The following NCOR2 variants were observed in gnomAD, a reference collection of about 807,000 sequenced individuals.
NCOR2 encodes the protein CTG repeat protein 26.
In NCOR2, 81 loss-of-function variants were observed where a neutral mutation model predicts 262.9. The ratio of observed to expected loss-of-function variants is 0.31; its 90% CI spans 0.26 to 0.37. The LOEUF is 0.37. NCOR2 is among the 10% of genes least tolerant of loss of function. The pLI, the probability that NCOR2 is intolerant of heterozygous loss-of-function variation, is 1.00. For synonymous variants in NCOR2, 1,659 were observed against 1,559.3 expected (o/e 1.06, Z -1.51); for missense variants, 3,385 against 3,621.4 (o/e 0.93, Z 1.68).
intron 20 of NCOR2, among the ~76,000 whole-genome samples, chr12:124,370,885 GCACCTGTGATCCAAGGTGAT>G (rs1321954914): frequency 6.6e-6 from 1 of 152,158 alleles, no homozygotes; most frequent in African/African-American, 2.4e-5. Context: ...GGGAACCTCT[GCACCTGTGATCCAAGGTGAT>G]CACCTGTGAT....
In NCOR2 at chr12:124,378,544, G is replaced by A. The variant is rs115165540; in HGVS notation, c.2020-160C>T. ...TCACACCCCACCTCGGCAGCCAAGC[G>A]TGCCAGGGTTTATTTTTACCGGGGG... On this transcript the variant is annotated intron_variant, in intron 17 of 46. Coordinates refer to ENST00000405201, the Ensembl canonical transcript of NCOR2. This position sits in a 1 kb window ranked among gnomAD's most constrained non-coding sequence, Gnocchi z 4.2. Among the ~76,000 whole-genome samples, 1,010 of 152,248 alleles carry A rather than the reference G, an allele frequency of 6.6e-3. 9 individuals carry two copies. The highest frequency in any genetic ancestry group is 0.02 in the African/African-American group (811 of 41,546).
chr12:124,519,883 G>C (rs568549281), intron 1 of NCOR2, among the ~76,000 whole-genome samples: 2 of 152,322 alleles, frequency 1.3e-5, no homozygotes, highest in South Asian at 4.1e-4. Flanking sequence ...AGAGAGGGTA[G>C]GTGACTTGCC....
intron 5 of NCOR2, among the ~76,000 whole-genome samples, chr12:124,459,252 A>G (rs972480677): frequency 1.3e-5 from 2 of 152,126 alleles, no homozygotes; most frequent in African/African-American, 4.8e-5. Context: ...CCAAGCCACT[A>G]GAAACTACAC....
chr12:124,464,336 A>G (rs2046323484), intron 5 of NCOR2, among the ~76,000 whole-genome samples: 1 of 152,032 alleles, frequency 6.6e-6, no homozygotes, highest in South Asian at 2.1e-4. Flanking sequence ...GCTGGAGAGA[A>G]CCGTGTCTGC....
At chr12:124,355,387 A>T in intron 24 of NCOR2, 45 bp downstream of exon 26, 1 of 1,602,402 alleles carries the variant, frequency 6.2e-7, no homozygotes, top group Non-Finnish European at 8.5e-7. Context: ...CCCACTTTAC[A>T]GATAAGAAGA....
At chr12:124,494,719 C>T (rs916855097) in intron 1 of NCOR2, among the ~76,000 whole-genome samples, 52 of 152,306 alleles carry the variant, frequency 3.4e-4, no homozygotes, top group Admixed American at 2.8e-3. Context: ...ACACACGGAA[C>T]GGGAGGACAG....
chr12:124,390,300 C>T lies in NCOR2; in HGVS notation c.1877-4413G>A, dbSNP rs545944398. Among the ~76,000 whole-genome samples the T allele has an allele frequency of 1.3e-4, 20 of 152,324 alleles. 2 individuals carry two copies. The South Asian group carries it at 4.1e-3, about 32-fold the overall frequency. ...CACGGCCCAGGTGACCCTTAGGAGC[C>T]AGCTCCATGAACCCGCCCAGCCTCT... On this transcript the variant is annotated intron_variant, in intron 16 of 46. Coordinates refer to ENST00000405201, the Ensembl canonical transcript of NCOR2.
intron 1 of NCOR2, among the ~76,000 whole-genome samples, chr12:124,529,179 CAAAAAAAAAAAAA>C (rs148397454): frequency 1.9e-5 from 1 of 52,182 alleles, no homozygotes; most frequent in African/African-American, 8.0e-5. Flanking sequence ...AACTCCGACT[CAAAAAAAAAAAAA>C]AAAAAAAAAA....
chr12:124,387,549 C>T (rs1363423998), intron 16 of NCOR2, among the ~76,000 whole-genome samples: 1 of 152,202 alleles, frequency 6.6e-6, no homozygotes, highest in African/African-American at 2.4e-5. Context: ...TCCTCTGGCC[C>T]CCGTGGCGTG....
intron 20 of NCOR2, among the ~76,000 whole-genome samples, chr12:124,369,061 T>C (rs1167665594): frequency 1.3e-5 from 2 of 152,222 alleles, no homozygotes; most frequent in South Asian, 2.1e-4. Context: ...GAGCGCCCAC[T>C]GTGGCCCGTC....
chr12:124,442,504 T>G (rs2044870565), intron 7 of NCOR2, among the ~76,000 whole-genome samples: 1 of 152,244 alleles, frequency 6.6e-6, no homozygotes. Context: ...CCAGGTGACG[T>G]GTGTGGGGGA....
exon 39 of NCOR2, chr12:124,335,530 T>G (rs1255914812): frequency 6.2e-7 from 1 of 1,609,094 alleles, no homozygotes; most frequent in Admixed American, 1.7e-5. Context: ...CTTGTCGAGC[T>G]CTTCCAGGTG....
intron 7 of NCOR2, among the ~76,000 whole-genome samples, chr12:124,447,671 G>A (rs536992667): frequency 6.6e-5 from 10 of 151,188 alleles, no homozygotes; most frequent in African/African-American, 2.2e-4. Context: ...TAGATTCGCT[G>A]GTATTTTCTT....
At chr12:124,521,613 G>A (rs1482283050) in intron 1 of NCOR2, among the ~76,000 whole-genome samples, 4 of 152,166 alleles carry the variant, frequency 2.6e-5, no homozygotes, top group African/African-American at 9.7e-5. Context: ...AGGCGGCAAC[G>A]TGAAGTGACC....
intron 1 of NCOR2, among the ~76,000 whole-genome samples, chr12:124,559,659 G>C (rs1161551430): frequency 6.6e-6 from 1 of 152,002 alleles, no homozygotes; most frequent in East Asian, 1.9e-4. Flanking sequence ...GAATGTGTAA[G>C]GTAAGATAAA....
intron 37 of NCOR2, among the ~76,000 whole-genome samples, chr12:124,339,335 C>CCA (rs60718275): frequency 0.013 from 1,745 of 138,304 alleles, 26 homozygotes; most frequent in Middle Eastern, 0.03. Context: ...ATCCATCCAT[C>CCA]TGGCTAACTC....
chr12:124,410,574 G>A (rs1183949234), intron 13 of NCOR2, among the ~76,000 whole-genome samples: 1 of 152,074 alleles, frequency 6.6e-6, no homozygotes, highest in Non-Finnish European at 1.5e-5. Flanking sequence ...ACCACCGGAA[G>A]GCTGTGGGCC....
At chr12:124,534,590 C>G (rs148994858) in intron 1 of NCOR2, among the ~76,000 whole-genome samples, 326 of 152,354 alleles carry the variant, frequency 2.1e-3, no homozygotes, top group South Asian at 3.7e-3. Flanking sequence ...AACAGCCTGT[C>G]ATGAGCCAGA....
At position 124,531,570 on chromosome 12, in the gene NCOR2, G is replaced by A. The variant is rs972301878; in HGVS notation, c.-118+3995C>T. Among the ~76,000 whole-genome samples the A allele has an allele frequency of 2.6e-5, 4 of 151,970 alleles. No individual in the cohort carries two copies. Among genetic ancestry groups the A allele is most frequent in the African/African-American group, 7.3e-5 (3 of 41,378 alleles). On this transcript the variant is annotated intron_variant, in intron 1 of 46. Transcript: ENST00000404621. The surrounding 1 kb of genome is among the most constrained non-coding windows in gnomAD (Gnocchi z 4.5). ...TTGCAGGGAGCCCCCGCCCAGGGCT[G>A]AGCATCCAGGCTGGGAAGGAGAGAG...
Sources: allele counts gnomAD v4.1 joint callset (sites outside exome capture counted in the v4.1 genomes callset), GRCh38; gene constraint gnomAD v4.1.1; non-coding constraint Gnocchi (gnomAD v3.1); transcripts MANE v1.5; gene names NCBI Gene and HGNC (gene_info 2026-07-23, HGNC 2026-07-21).